DCLK1: variants seen among roughly 807,000 people sequenced by gnomAD.
DCLK1 encodes the protein serine/threonine-protein kinase DCLK1.
DCLK1 carries 16 observed loss-of-function variants against 86.2 expected under a neutral mutation model. The ratio of observed to expected loss-of-function variants is 0.19; its 90% CI spans 0.13 to 0.28. DCLK1 has a LOEUF of 0.28. DCLK1 is among the 10% of genes least tolerant of loss of function. The pLI, the probability that DCLK1 is intolerant of heterozygous loss-of-function variation, is 1.00. For missense variants in DCLK1, 590 were observed against 940.2 expected (o/e 0.63, Z 4.87); for synonymous variants, 369 against 370.5 (o/e 1.00, Z 0.05).
intron 3 of DCLK1, among the ~76,000 whole-genome samples, chr13:35,948,158 T>C (rs753681899): frequency 2.6e-5 from 4 of 152,264 alleles, no homozygotes; most frequent in Non-Finnish European, 4.4e-5. Context: ...GAAAGCTAAA[T>C]GTCATTTTTG....
intron 6 of DCLK1, chr13:35,848,883 G>A (rs1870401720): frequency 1.0e-6 from 1 of 985,270 alleles, no homozygotes; most frequent in Non-Finnish European, 1.2e-6. Flanking sequence ...ACCAGCATAG[G>A]CAACCTCACA....
chr13:36,120,666 C>T (rs970845540), intron 2 of DCLK1, among the ~76,000 whole-genome samples: 9 of 98,942 alleles, frequency 9.1e-5, no homozygotes, highest in Admixed American at 8.3e-4. Flanking sequence ...AAAAATTCTA[C>T]AAGTTAATAA....
chr13:35,815,527 C>G (rs746281677), intron 11 of DCLK1, among the ~76,000 whole-genome samples: 3 of 152,074 alleles, frequency 2.0e-5, no homozygotes, highest in Non-Finnish European at 4.4e-5. Context: ...TCAGTAGGAA[C>G]TAAAAATTAT....
intron 4 of DCLK1, among the ~76,000 whole-genome samples, chr13:35,884,721 T>TCAACCC (rs1873123465): frequency 6.6e-6 from 1 of 151,914 alleles, no homozygotes; most frequent in South Asian, 2.1e-4. Flanking sequence ...CCCCAGTGGG[T>TCAACCC]TGAGGTCAAG....
At chr13:35,895,749 AAAAAC>A (rs911202407) in intron 4 of DCLK1, among the ~76,000 whole-genome samples, 1 of 151,746 alleles carries the variant, frequency 6.6e-6, no homozygotes, top group African/African-American at 2.4e-5. Flanking sequence ...TATAGCAAAA[AAAAAC>A]AAAACAAAAC....
intron 4 of DCLK1, among the ~76,000 whole-genome samples, chr13:35,926,693 A>G (rs539015146): frequency 6.6e-6 from 1 of 152,368 alleles, no homozygotes; most frequent in African/African-American, 2.4e-5. Flanking sequence ...ATATTTGTCC[A>G]TTATATTACA....
intron 3 of DCLK1, among the ~76,000 whole-genome samples, chr13:36,054,376 T>C (rs1022688966): frequency 6.6e-6 from 1 of 152,210 alleles, no homozygotes; most frequent in African/African-American, 2.4e-5. Flanking sequence ...CCAGGAGTTT[T>C]CTATCTTTTG....
chr13:35,786,277 A>G (rs34182847), intron 16 of DCLK1, among the ~76,000 whole-genome samples: 18,038 of 152,254 alleles, frequency 0.12, 1,350 homozygotes, highest in East Asian at 0.31. Context: ...ATGACTTTAT[A>G]TGTGTAATTT....
intron 16 of DCLK1, among the ~76,000 whole-genome samples, chr13:35,782,901 C>G (rs1470091682): frequency 6.6e-6 from 1 of 152,250 alleles, no homozygotes; most frequent in African/African-American, 2.4e-5. Flanking sequence ...CCACATGTTT[C>G]TCTGACTCAA....
intron 3 of DCLK1, among the ~76,000 whole-genome samples, chr13:35,999,435 A>G (rs1034262468): frequency 6.6e-6 from 1 of 152,138 alleles, no homozygotes; most frequent in Non-Finnish European, 1.5e-5. Flanking sequence ...TCTTGAGATT[A>G]TAGTCAATGG....
intron 15 of DCLK1, among the ~76,000 whole-genome samples, chr13:35,799,870 T>C (rs1367789622): frequency 6.6e-6 from 1 of 152,196 alleles, no homozygotes; most frequent in Non-Finnish European, 1.5e-5. Context: ...AAGGTCAAGA[T>C]ATATTATTGC....
At chr13:36,108,276 T>C (rs1258761484) in intron 3 of DCLK1, among the ~76,000 whole-genome samples, 1 of 152,206 alleles carries the variant, frequency 6.6e-6, no homozygotes, top group Non-Finnish European at 1.5e-5. Flanking sequence ...TAGAAAGGGT[T>C]TGCTCACACA....
At chr13:35,888,244 T>C (rs1030620354) in intron 4 of DCLK1, among the ~76,000 whole-genome samples, 4 of 152,208 alleles carry the variant, frequency 2.6e-5, no homozygotes, top group East Asian at 3.9e-4. Context: ...CTTGGTTGTA[T>C]TGTTTAATTT....
At chr13:36,007,516 G>C (rs762341629) in intron 3 of DCLK1, among the ~76,000 whole-genome samples, 10 of 152,186 alleles carry the variant, frequency 6.6e-5, no homozygotes, top group Non-Finnish European at 1.0e-4. Context: ...TGTGAGTAGA[G>C]ATGAATATTG....
At chr13:35,918,953 T>C (rs569163448) in intron 4 of DCLK1, among the ~76,000 whole-genome samples, 6 of 138,004 alleles carry the variant, frequency 4.3e-5, no homozygotes, top group Non-Finnish European at 6.2e-5. Flanking sequence ...CAGGCTGGAG[T>C]GCAGTGGTGC....
intron 3 of DCLK1, among the ~76,000 whole-genome samples, chr13:35,960,264 C>G (rs942191206): frequency 3.3e-5 from 5 of 152,134 alleles, no homozygotes; most frequent in African/African-American, 1.2e-4. Context: ...TGAATACTCT[C>G]TCTCTAAAAA....
At chr13:35,901,400 G>C (rs1007648678) in intron 4 of DCLK1, among the ~76,000 whole-genome samples, 1 of 135,280 alleles carries the variant, frequency 7.4e-6, no homozygotes, top group Non-Finnish European at 1.5e-5. Context: ...AGAGACAGGA[G>C]AATTGCTTGA....
chr13:36,014,995 T>C (rs1267594715), intron 3 of DCLK1, among the ~76,000 whole-genome samples: 3 of 25,450 alleles, frequency 1.2e-4, no homozygotes, highest in African/African-American at 5.1e-4. Context: ...TCCCTCTCTC[T>C]CTCTCTCTTT....
At chr13:36,056,237 C>T (rs1195178715) in intron 3 of DCLK1, among the ~76,000 whole-genome samples, 2 of 100,208 alleles carry the variant, frequency 2.0e-5, no homozygotes, top group East Asian at 2.6e-4. Flanking sequence ...CAATGATAGA[C>T]TGGATTAAGA....
Sources: allele counts gnomAD v4.1 joint callset (sites outside exome capture counted in the v4.1 genomes callset), GRCh38; gene constraint gnomAD v4.1.1; transcripts MANE v1.5; gene names NCBI Gene and HGNC (gene_info 2026-07-23, HGNC 2026-07-21).